CNKSR2: variants seen among roughly 807,000 people sequenced by gnomAD.
CNKSR2 encodes the protein connector enhancer of kinase suppressor of Ras 2.
In CNKSR2, 14 loss-of-function variants were observed where a neutral mutation model predicts 84.4. The ratio of observed to expected loss-of-function variants is 0.17; its 90% confidence interval spans 0.11 to 0.26. The LOEUF is 0.26. Among genes scored for constraint, CNKSR2 ranks in the 10% least tolerant of loss-of-function variants. The probability of loss-of-function intolerance (pLI) is 1.00; values close to 1 mark genes in which losing one functional copy is unlikely to be tolerated. For missense variants in CNKSR2, 485 were observed against 771.2 expected (o/e 0.63, Z 4.40); for synonymous variants, 275 against 277.9 (o/e 0.99, Z 0.10).
intron 1 of CNKSR2, among the ~76,000 whole-genome samples, chrX:21,376,874 C>A (rs1179839272): frequency 9.0e-6 from 1 of 111,510 alleles, no homozygotes; most frequent in Non-Finnish European, 1.9e-5. Context: ...TGCAGTTTCC[C>A]CTCTCTCCAT....
intron 11 of CNKSR2, among the ~76,000 whole-genome samples, chrX:21,551,481 A>G (rs1322149658): frequency 8.9e-6 from 1 of 112,431 alleles, no homozygotes; most frequent in East Asian, 2.8e-4. Context: ...AGGGGGGAAA[A>G]AAACCTCTTC....
chrX:21,429,983 A>C (rs2090614499), intron 2 of CNKSR2, among the ~76,000 whole-genome samples: 1 of 112,291 alleles, frequency 8.9e-6, no homozygotes, highest in African/African-American at 3.2e-5. Context: ...AGTAGCACAT[A>C]AATCTGGTTA....
chrX:21,521,832 T>C (rs1375916959), intron 9 of CNKSR2, among the ~76,000 whole-genome samples: 2 of 110,824 alleles, frequency 1.8e-5, no homozygotes, highest in Non-Finnish European at 3.8e-5. Flanking sequence ...ATTATATGCT[T>C]ATAAAAGGAT....
intron 8 of CNKSR2, among the ~76,000 whole-genome samples, chrX:21,509,466 C>T (rs745349400): frequency 2.3e-3 from 262 of 111,991 alleles, no homozygotes; most frequent in African/African-American, 8.0e-3. Flanking sequence ...AATATCAACA[C>T]TAAAGTTTTA....
intron 4 of CNKSR2, among the ~76,000 whole-genome samples, chrX:21,452,306 T>C (rs1986094): frequency 0.086 from 9,472 of 110,608 alleles, 1,016 homozygotes; most frequent in African/African-American, 0.3. Context: ...GTTGACCAGG[T>C]TGGTCTCGAA....
At chrX:21,589,362 A>T (rs1233052032) in intron 13 of CNKSR2, among the ~76,000 whole-genome samples, 1 of 112,409 alleles carries the variant, frequency 8.9e-6, no homozygotes, top group Non-Finnish European at 1.9e-5. Flanking sequence ...ATAAAGTATC[A>T]CAAAACATGA....
chrX:21,490,878 A>G (rs1412441007), intron 6 of CNKSR2: 1 of 138,955 alleles, frequency 7.2e-6, no homozygotes, highest in East Asian at 1.9e-4. Flanking sequence ...TTAGGTTTAA[A>G]GGAAGTTTAA....
intron 17 of CNKSR2, among the ~76,000 whole-genome samples, chrX:21,597,067 C>T (rs1468050969): frequency 1.8e-5 from 2 of 111,755 alleles, no homozygotes; most frequent in Non-Finnish European, 3.8e-5. Context: ...ATGAGCATAT[C>T]GTATCTTACA....
chrX:21,459,018 CTTTTTTTT>C (rs35121561), intron 4 of CNKSR2, among the ~76,000 whole-genome samples: 1 of 88,530 alleles, frequency 1.1e-5, no homozygotes, highest in Non-Finnish European at 2.2e-5. Flanking sequence ...ATTCTTCATC[CTTTTTTTT>C]TTTTTTTTTT....
intron 11 of CNKSR2, among the ~76,000 whole-genome samples, chrX:21,532,466 G>A (rs1226801513): frequency 9.1e-6 from 1 of 109,835 alleles, no homozygotes; most frequent in Non-Finnish European, 1.9e-5. Context: ...ATTCCTCAGG[G>A]ATTTTAAGAA....
intron 11 of CNKSR2, among the ~76,000 whole-genome samples, chrX:21,533,750 GAAGT>G (rs1384458421): frequency 4.5e-5 from 5 of 111,096 alleles, no homozygotes; most frequent in Non-Finnish European, 7.6e-5. Context: ...TTAAAAGAGA[GAAGT>G]AAGCAGAGTT....
At chrX:21,558,423 A>G (rs1211958457) in intron 11 of CNKSR2, among the ~76,000 whole-genome samples, 1 of 110,960 alleles carries the variant, frequency 9.0e-6, no homozygotes, top group East Asian at 2.8e-4. Flanking sequence ...CTATGGTTTT[A>G]TAACTAATAA....
intron 1 of CNKSR2, among the ~76,000 whole-genome samples, chrX:21,400,293 A>G (rs915833483): frequency 5.4e-5 from 6 of 110,577 alleles, no homozygotes; most frequent in African/African-American, 2.0e-4. Context: ...GCTGAACTCA[A>G]CATGGCCTGC....
chrX:21,648,820 G>GTTGTT lies in CNKSR2; in HGVS notation c.2693-11_2693-10insTTGTT. ...TTTTTTTTTTTTTTTTTTTTTTTTT[G>GTTGTT]GATGTTGCAGGTGAAAGCAGAGAAG... On this transcript the variant is annotated splice_polypyrimidine_tract_variant and intron_variant, in intron 20 of 21. Coordinates refer to ENST00000379510, the MANE Select transcript of CNKSR2 (RefSeq NM_014927.5). 1 of 379,495 alleles carries GTTGTT rather than the reference G, an allele frequency of 2.6e-6. No homozygotes were observed. Among genetic ancestry groups the GTTGTT allele is most frequent in the South Asian group, 1.1e-4 (1 of 8,705 alleles). 31.3% of individuals were successfully genotyped at this position (379,495 alleles called of 1,213,427 possible). A position where few individuals can be genotyped will look rare whatever the true frequency, so the allele number is the denominator to read the frequency against.
chrX:21,513,863 A>G (rs760156540), intron 8 of CNKSR2, among the ~76,000 whole-genome samples: 1 of 112,008 alleles, frequency 8.9e-6, no homozygotes, highest in African/African-American at 3.2e-5. Flanking sequence ...TAGGTAATTC[A>G]TAAAATTTAT....
At chrX:21,567,265 G>A (rs757286038) in intron 13 of CNKSR2, among the ~76,000 whole-genome samples, 1 of 111,943 alleles carries the variant, frequency 8.9e-6, no homozygotes, top group South Asian at 3.7e-4. Flanking sequence ...TTTCTCTCCT[G>A]TACATGGTAG....
intron 11 of CNKSR2, among the ~76,000 whole-genome samples, chrX:21,542,274 T>C (rs2091983369): frequency 8.9e-6 from 1 of 112,362 alleles, no homozygotes; most frequent in Admixed American, 9.4e-5. Context: ...TCAGCCATAG[T>C]TGGTAATTTT....
chrX:21,464,430 C>T (rs2091100888), intron 4 of CNKSR2, among the ~76,000 whole-genome samples: 2 of 111,876 alleles, frequency 1.8e-5, no homozygotes, highest in Admixed American at 1.9e-4. Flanking sequence ...ATTGTGAGTA[C>T]TCACCTGATT....
intron 20 of CNKSR2, among the ~76,000 whole-genome samples, chrX:21,616,050 A>T (rs1330542105): frequency 9.0e-6 from 1 of 111,627 alleles, no homozygotes; most frequent in Non-Finnish European, 1.9e-5. Context: ...ATTTACTGAA[A>T]TGTTTATTTA....
Sources: gnomAD v4.1 joint callset for allele counts (sites outside exome capture counted in the v4.1 genomes callset) on GRCh38, gnomAD v4.1.1 for gene constraint, MANE v1.5 for transcripts, NCBI Gene and HGNC (gene_info 2026-07-23, HGNC 2026-07-21) for gene names.